PRDM5: variants seen among roughly 807,000 people sequenced by gnomAD.
PRDM5 encodes PR domain zinc finger protein 5.
Under a neutral mutation model 81.2 loss-of-function variants are expected in PRDM5, and 56 were observed. The ratio of observed to expected loss-of-function variants is 0.69; its 90% confidence interval spans 0.56 to 0.86. PRDM5 has a LOEUF of 0.86. Among genes scored for constraint, PRDM5 ranks in the 40% least tolerant of loss-of-function variants. PRDM5 has a pLI of 0.00. For missense variants in PRDM5, 697 were observed against 770.1 expected (o/e 0.91, Z 1.12); for synonymous variants, 267 against 256.4 (o/e 1.04, Z -0.39).
intron 1 of PRDM5, among the ~76,000 whole-genome samples, chr4:120,685,542 G>C (rs1413751845): frequency 6.6e-6 from 1 of 152,040 alleles, no homozygotes; most frequent in Non-Finnish European, 1.5e-5. Context: ...TTTTGCTTCA[G>C]GGTGTAAGCT....
At chr4:120,845,639 A>G (rs1423578638) in intron 3 of PRDM5, among the ~76,000 whole-genome samples, 1 of 152,234 alleles carries the variant, frequency 6.6e-6, no homozygotes, top group Non-Finnish European at 1.5e-5. Context: ...GGAGTGTTCA[A>G]GAAGATGAAT....
chr4:120,859,279 T>C (rs1378709513), intron 2 of PRDM5, among the ~76,000 whole-genome samples: 3 of 151,880 alleles, frequency 2.0e-5, no homozygotes, highest in Non-Finnish European at 4.4e-5. Context: ...AGCACCATCA[T>C]GGCTCACTGC....
Position 120,922,518 on chromosome 4 carries a change from T to G in PRDM5, c.91A>C (p.Lys31Gln). ...MGLYTARRVRKGEKFGPFAGE... is the reference protein window; with the variant it reads ...MGLYTARRVRQGEKFGPFAGE... Reference sequence around the variant, plus strand: ...CAGGCCGCCGCCGGGTCACCCACCTTTCGCACTCTGCGGGCCGTGTAGAGC... The same window carrying G: ...CAGGCCGCCGCCGGGTCACCCACCTGTCGCACTCTGCGGGCCGTGTAGAGC... The change falls in exon 1 of 16, where the codon AAG (lysine) becomes CAG (glutamine). Residue 31 changes from lysine (K) to glutamine (Q), a missense_variant and splice_region_variant. Physicochemically the swap from Lys to Gln is moderately conservative, Grantham distance 53 (BLOSUM62 1). This residue lies in a region of PRDM5 where 577 missense variants were observed against 606.7 expected (regional missense o/e 0.95). Coordinates refer to ENST00000264808, the MANE Select transcript of PRDM5 (RefSeq NM_018699.4). 6 of 1,602,038 alleles carry G rather than the reference T, an allele frequency of 3.7e-6. No homozygotes were observed. The highest frequency in any genetic ancestry group is 5.1e-6 in the Non-Finnish European group (6 of 1,175,094).
At chr4:120,762,403 A>C (rs1344078079) in intron 13 of PRDM5, 1 of 152,194 alleles carries the variant, frequency 6.6e-6, no homozygotes, top group Non-Finnish European at 1.5e-5. Flanking sequence ...ACATGGTTGA[A>C]CTTTAAAATA....
intron 14 of PRDM5, among the ~76,000 whole-genome samples, chr4:120,731,422 C>G (rs1195601605): frequency 1.4e-5 from 2 of 147,964 alleles, no homozygotes; most frequent in African/African-American, 5.0e-5. Flanking sequence ...CCAGGCAGTA[C>G]AGCAGAGAAG....
In PRDM5 at chr4:120,826,327, C is replaced by T. The variant is rs147312272; in HGVS notation, c.301-4982G>A. ...TATAACTCCTCCATGTGCTCTGAGG[C>T]GCAGCTCACTTTCATCCTCCTTCAA... On this transcript the variant is annotated intron_variant, in intron 3 of 15. Coordinates refer to ENST00000264808, the MANE Select transcript of PRDM5 (RefSeq NM_018699.4). Among the ~76,000 whole-genome samples the T allele has an allele frequency of 3.7e-4, 57 of 152,224 alleles. 2 individuals are homozygous for T. In the East Asian group the frequency reaches 8.9e-3, roughly 24 times the overall value.
intron 14 of PRDM5, among the ~76,000 whole-genome samples, chr4:120,719,668 AAATT>A (rs1277020308): frequency 6.6e-6 from 1 of 152,214 alleles, no homozygotes; most frequent in African/African-American, 2.4e-5. Context: ...TTACATATAA[AAATT>A]CAAGTTTTAT....
intron 11 of PRDM5, among the ~76,000 whole-genome samples, chr4:120,783,986 T>A (rs1749407065): frequency 6.6e-6 from 1 of 152,102 alleles, no homozygotes; most frequent in Non-Finnish European, 1.5e-5. Flanking sequence ...ATATTAAAAG[T>A]TTAAGCAGCA....
At chr4:120,810,860 A>G (rs932327504) in intron 8 of PRDM5, among the ~76,000 whole-genome samples, 6 of 152,166 alleles carry the variant, frequency 3.9e-5, no homozygotes, top group African/African-American at 1.4e-4. Flanking sequence ...GCTGCCTCAC[A>G]TGTTATAAGT....
chr4:120,853,812 G>A (rs1001383953), intron 2 of PRDM5, among the ~76,000 whole-genome samples: 4 of 152,022 alleles, frequency 2.6e-5, no homozygotes, highest in East Asian at 1.9e-4. Context: ...AAATTATTTC[G>A]GTTTGTAAGT....
intron 15 of PRDM5, among the ~76,000 whole-genome samples, chr4:120,697,667 A>AT (rs1560882467): frequency 2.3e-5 from 2 of 86,002 alleles, no homozygotes; most frequent in Non-Finnish European, 4.3e-5. Flanking sequence ...TGCCCAGCTA[A>AT]CTATTTTTTT....
At chr4:120,871,446 G>A (rs56235391) in intron 2 of PRDM5, among the ~76,000 whole-genome samples, 29,668 of 152,034 alleles carry the variant, frequency 0.2, 3,235 homozygotes, top group Non-Finnish European at 0.25. Context: ...CGACCCTCCT[G>A]ATATGGTCTG....
At chr4:120,829,560 T>G (rs988551132) in intron 3 of PRDM5, among the ~76,000 whole-genome samples, 3 of 152,134 alleles carry the variant, frequency 2.0e-5, no homozygotes, top group Admixed American at 2.0e-4. Flanking sequence ...TAGTCCCCAC[T>G]GTGTGCAAAT....
intron 10 of PRDM5, among the ~76,000 whole-genome samples, chr4:120,792,908 A>G (rs1750790427): frequency 6.6e-6 from 1 of 152,142 alleles, no homozygotes; most frequent in African/African-American, 2.4e-5. Context: ...AACTAGGGGT[A>G]GAGGTAAAGG....
chr4:120,755,299 A>G (rs888793093), intron 13 of PRDM5, among the ~76,000 whole-genome samples: 2 of 152,248 alleles, frequency 1.3e-5, no homozygotes, highest in African/African-American at 4.8e-5. Flanking sequence ...GTGAAATGAC[A>G]AAACTGTGAC....
intron 2 of PRDM5, among the ~76,000 whole-genome samples, chr4:120,856,350 T>C: frequency 6.6e-6 from 1 of 152,240 alleles, no homozygotes. Context: ...TATTCATATT[T>C]GAAATAACTT....
intron 14 of PRDM5, among the ~76,000 whole-genome samples, chr4:120,744,111 G>T (rs868411221): frequency 4.1e-4 from 62 of 152,154 alleles, no homozygotes; most frequent in African/African-American, 8.9e-4. Context: ...AAACTAGAAC[G>T]CAGGATTAAG....
intron 1 of PRDM5, among the ~76,000 whole-genome samples, chr4:120,917,273 A>G (rs1456528553): frequency 6.6e-6 from 1 of 152,088 alleles, no homozygotes; most frequent in Non-Finnish European, 1.5e-5. Flanking sequence ...CTTCCCGTAG[A>G]TATATGTTTG....
intron 2 of PRDM5, among the ~76,000 whole-genome samples, chr4:120,863,191 T>C (rs77519993): frequency 0.013 from 914 of 70,280 alleles, 16 homozygotes; most frequent in Non-Finnish European, 0.015. Context: ...TATATATATA[T>C]ACACACACAC....
Sources: allele counts gnomAD v4.1 joint callset (sites outside exome capture counted in the v4.1 genomes callset), GRCh38; gene constraint gnomAD v4.1.1; regional missense constraint gnomAD v4.1.1; transcripts MANE v1.5; gene names NCBI Gene and HGNC (gene_info 2026-07-23, HGNC 2026-07-21).